TFRC: variants seen among roughly 807,000 people sequenced by gnomAD.
TFRC encodes the protein transferrin receptor protein 1.
TFRC carries 35 observed loss-of-function variants against 85.8 expected under a neutral mutation model. The observed-to-expected ratio is 0.41, with a 90% CI of 0.31 to 0.54. The LOEUF (loss-of-function observed/expected upper bound fraction) is 0.54, where lower values mean the gene tolerates loss of function less well. Among genes scored for constraint, TFRC ranks in the 20% least tolerant of loss-of-function variants. TFRC has a pLI of 0.31. For missense variants in TFRC, 828 were observed against 921.5 expected, an observed-to-expected ratio of 0.90 and a Z score of 1.31; for synonymous variants, 362 against 328.6, an observed-to-expected ratio of 1.10 and a Z score of -1.10.
chr3:196,064,339 C>T lies in TFRC; in HGVS notation c.1288G>A (p.Ala430Thr), dbSNP rs146556082. The change falls in exon 11 of 19, where the codon GCC becomes ACC. Residue 430 changes from alanine (A) to threonine (T), a missense_variant. Physicochemically the swap from Ala to Thr is moderately conservative, Grantham distance 58 (BLOSUM62 0). Transcript: ENST00000360110. The part of the protein sequence containing the change: ...GVGTALLLKL[A>T]QMFSDMVLKD... ...AAGACCATATCTGAGAACATCTGGGCAAGTTTCAATAGGAGAGCTGTGCCT... is the reference window on the plus strand; with the variant it reads ...AAGACCATATCTGAGAACATCTGGGTAAGTTTCAATAGGAGAGCTGTGCCT... The T allele has an allele frequency of 3.1e-6, 5 of 1,613,110 alleles. No individual in the cohort carries two copies. In the African/African-American group the frequency reaches 6.7e-5, roughly 22 times the overall value.
At chr3:196,082,011 G>A (rs1041526110) in intron 1 of TFRC, 32 bp downstream of exon 1, 2 of 152,556 alleles carry the variant, frequency 1.3e-5, no homozygotes, top group African/African-American at 4.8e-5. Context: ...GAGGACACGA[G>A]GGTCGGTGTA....
intron 13 of TFRC, 34 bp from the exon 14 acceptor site, chr3:196,060,281 CCA>C: frequency 5.1e-6 from 8 of 1,579,930 alleles, no homozygotes; most frequent in Non-Finnish European, 7.0e-6. Context: ...TGCCCCTTCT[CCA>C]TTCCGATAAT....
chr3:196,056,982 C>T (rs578099523), intron 16 of TFRC, among the ~76,000 whole-genome samples: 10 of 152,174 alleles, frequency 6.6e-5, no homozygotes, highest in Admixed American at 4.6e-4. Flanking sequence ...CCACTATGTC[C>T]GACTAATTTT....
intron 12 of TFRC, 73 bp downstream of exon 12, chr3:196,062,765 TAAAATCAAACCTATAA>T: frequency 6.4e-7 from 1 of 1,564,388 alleles, no homozygotes; most frequent in Non-Finnish European, 8.8e-7. Context: ...GCAAAAGTGG[TAAAATCAAACCTATAA>T]AAACATCACT....
chr3:196,065,715 G>A (rs1005824679), intron 9 of TFRC, 115 bp from the exon 10 acceptor site: 45 of 1,163,308 alleles, frequency 3.9e-5, no homozygotes, highest in South Asian at 8.5e-5. Flanking sequence ...CTCTCAGCCC[G>A]GCGAAGTGGC....
chr3:196,058,689 T>C, intron 14 of TFRC, 57 bp from the exon 15 acceptor site: 1 of 1,281,056 alleles, frequency 7.8e-7, no homozygotes, highest in South Asian at 1.3e-5. Context: ...TTATTCAGGC[T>C]AGTCACTAAC....
At chr3:196,072,323 T>A (rs1006381841) in intron 4 of TFRC, among the ~76,000 whole-genome samples, 171 bp from the exon 5 acceptor site, 4 of 151,998 alleles carry the variant, frequency 2.6e-5, no homozygotes, top group Non-Finnish European at 4.4e-5. Flanking sequence ...AGAAAAAAAA[T>A]TTTGCCCCAA....
At position 196,063,102 on chromosome 3, in the gene TFRC, T is replaced by G; in HGVS notation, c.1319-163A>C. 7.0e-6 allele frequency: 4 copies of G among 573,144 alleles called. No homozygotes were observed. In the South Asian group the frequency reaches 9.2e-5, roughly 13 times the overall value. The allele number at this position is 573,144 out of a possible 1,614,324, so 35.5% of individuals were successfully genotyped here. On this transcript the variant is annotated intron_variant, in intron 11 of 18. Coordinates refer to ENST00000360110, the MANE Select transcript of TFRC (RefSeq NM_001128148.3). ...AGAAAAAAAAAACTAACAAAATCTTTTTTTGAGACCCCAGGTAAAAGAATA... is the reference window on the plus strand; with the variant it reads ...AGAAAAAAAAAACTAACAAAATCTTGTTTTGAGACCCCAGGTAAAAGAATA...
At chr3:196,062,974 A>G in intron 11 of TFRC, 35 bp from the exon 12 acceptor site, 1 of 1,568,928 alleles carries the variant, frequency 6.4e-7, no homozygotes, top group Non-Finnish European at 8.8e-7. Context: ...ACCTGAGGAA[A>G]GGTTATACAC....
At chr3:196,076,377 A>G (rs1245317027) in intron 2 of TFRC, among the ~76,000 whole-genome samples, 1 of 151,050 alleles carries the variant, frequency 6.6e-6, no homozygotes, top group East Asian at 1.9e-4. Context: ...TCCTCAAGTG[A>G]TCCTCCTGCC....
rs2108629900 is a variant in TFRC at position 196,050,013 on chromosome 3, T to C, written c.*1929A>G. ...GCTTCGAACTTATTCATACCTACAT[T>C]TAATTGATCACCACGAATGGGTAGG... On this transcript the variant is annotated 3_prime_UTR_variant, in exon 19 of 19. Transcript: ENST00000360110. The C allele has an allele frequency of 8.7e-6, 2 of 231,164 alleles. No individual in the cohort carries two copies. The highest frequency in any genetic ancestry group is 3.6e-4 in the South Asian group (2 of 5,516). 14.3% of individuals were successfully genotyped at this position (231,164 alleles called of 1,614,324 possible).
Position 196,074,062 on chromosome 3 carries a change from A to T in TFRC, c.302T>A (p.Leu101Gln). The change falls in exon 4 of 19, where the codon CTG (leucine) becomes CAG (glutamine). Residue 101 changes from leucine to glutamine, a missense_variant. Coordinates refer to ENST00000360110, the MANE Select transcript of TFRC (RefSeq NM_001128148.3). ...GVEPKTECER[L>Q]AGTESPVREE... The stretch of plus-strand genomic sequence containing the variant: ...CCTCACTGGAGACTCGGTTCCTGCC[A>T]GTCTCTCACACTCAGTTTTTGGTTC... The T allele has an allele frequency of 6.2e-7, 1 of 1,614,146 alleles. No individual in the cohort carries two copies.
Position 196,051,878 on chromosome 3 carries a change from CG to C in TFRC, c.*63del. On this transcript the variant is annotated 3_prime_UTR_variant, in exon 19 of 19. Coordinates refer to ENST00000360110, the MANE Select transcript of TFRC (RefSeq NM_001128148.3). ...TTGTAGCCCTACTGAAAATTTAGCA[CG>C]ATCAGCACAAGTCTAGAAACCAGAC... The C allele has an allele frequency of 6.4e-7, 1 of 1,553,088 alleles. No homozygotes were observed. The highest frequency in any genetic ancestry group is 8.7e-7 in the Non-Finnish European group (1 of 1,150,160).
Position 196,051,801 on chromosome 3 carries a change from T to C in TFRC, c.*141A>G. 1 of 988,818 alleles carries C rather than the reference T, an allele frequency of 1.0e-6. No homozygotes were observed. The highest frequency in any genetic ancestry group is 1.5e-6 in the Non-Finnish European group (1 of 672,564). 61.3% of individuals were successfully genotyped at this position (988,818 alleles called of 1,614,324 possible). ...CTACCCTGTATTAAAAGCTGCTGCCTAAAGACATCTAGTAGTACCAAGATG... is the reference window on the plus strand; with the variant it reads ...CTACCCTGTATTAAAAGCTGCTGCCCAAAGACATCTAGTAGTACCAAGATG... On this transcript the variant is annotated 3_prime_UTR_variant, in exon 19 of 19. Coordinates refer to ENST00000360110, the MANE Select transcript of TFRC (RefSeq NM_001128148.3).
intron 16 of TFRC, among the ~76,000 whole-genome samples, chr3:196,055,927 C>T (rs1020719594): frequency 2.0e-5 from 3 of 150,918 alleles, no homozygotes; most frequent in Admixed American, 6.6e-5. Context: ...AGCCTTGAGA[C>T]GAGGTCACTC....
At chr3:196,052,291 A>ATTTT in intron 18 of TFRC, 107 bp from the exon 19 acceptor site, 1 of 883,454 alleles carries the variant, frequency 1.1e-6, no homozygotes, top group South Asian at 1.9e-5. Flanking sequence ...TGCCGATCAG[A>ATTTT]CTTTTTTTTT....
At chr3:196,058,467 T>C in intron 15 of TFRC, 102 bp from the exon 16 acceptor site, 4 of 1,470,176 alleles carry the variant, frequency 2.7e-6, no homozygotes, top group Non-Finnish European at 3.8e-6. Flanking sequence ...CTGAATATCT[T>C]TAGGTGTAAG....
chr3:196,068,204 G>T, intron 7 of TFRC, 74 bp from the exon 8 acceptor site: 2 of 1,043,342 alleles, frequency 1.9e-6, no homozygotes, highest in Non-Finnish European at 2.9e-6. Context: ...TGGACATTAT[G>T]CTAAAGGCCA....
intron 16 of TFRC, 95 bp downstream of exon 16, chr3:196,058,189 C>A: frequency 1.0e-6 from 1 of 956,332 alleles, no homozygotes; most frequent in South Asian, 1.5e-5. Flanking sequence ...TTGACTATAG[C>A]ACAGGCATTC....
Sources: gnomAD v4.1 joint callset for allele counts (sites outside exome capture counted in the v4.1 genomes callset) on GRCh38, gnomAD v4.1.1 for gene constraint, MANE v1.5 for transcripts, NCBI Gene and HGNC (gene_info 2026-07-23, HGNC 2026-07-21) for gene names.